RAP1A: variants seen among roughly 807,000 people sequenced by gnomAD.
The protein encoded by RAP1A is ras-related protein Rap-1A.
In RAP1A, 6 loss-of-function variants were observed where a neutral mutation model predicts 26.4. The observed-to-expected ratio is 0.23, with a 90% CI of 0.12 to 0.45. The LOEUF is 0.45. Ranked by LOEUF, RAP1A falls within the 20% of genes least tolerant of loss-of-function variation. The probability of loss-of-function intolerance (pLI) is 0.99; values close to 1 mark genes in which losing one functional copy is unlikely to be tolerated. For missense variants in RAP1A, 121 were observed against 217.2 expected, an observed-to-expected ratio of 0.56 and a Z score of 2.78; for synonymous variants, 73 against 79.4, an observed-to-expected ratio of 0.92 and a Z score of 0.43.
intron 1 of RAP1A, among the ~76,000 whole-genome samples, chr1:111,581,471 C>G (rs1658257316): frequency 6.6e-6 from 1 of 152,152 alleles, no homozygotes; most frequent in Non-Finnish European, 1.5e-5. Context: ...TACAGCACAG[C>G]CCCTCATGAC....
At chr1:111,543,085 T>G (rs936244027) in intron 1 of RAP1A, among the ~76,000 whole-genome samples, 11 of 152,220 alleles carry the variant, frequency 7.2e-5, no homozygotes, top group African/African-American at 2.7e-4. Context: ...CTGGAATATT[T>G]CTGAAGAAAT....
intron 1 of RAP1A, among the ~76,000 whole-genome samples, chr1:111,601,514 C>T (rs1004986478): frequency 7.9e-5 from 12 of 152,202 alleles, no homozygotes; most frequent in Non-Finnish European, 1.5e-5. Context: ...GGATTTGGTG[C>T]TTTCTGTGGC....
At chr1:111,666,205 A>G (rs1328795947) in intron 1 of RAP1A, among the ~76,000 whole-genome samples, 4 of 152,216 alleles carry the variant, frequency 2.6e-5, no homozygotes, top group African/African-American at 9.6e-5. Flanking sequence ...AATTCACAGT[A>G]AACAAAGCTA....
chr1:111,619,726 G>A (rs1488067671), upstream of RAP1A: 3 of 393,512 alleles, frequency 7.6e-6, no homozygotes, highest in Non-Finnish European at 1.3e-5. Context: ...ACTTGGAGGG[G>A]CGGGGCAGAA....
chr1:111,687,752 G>A (rs1661529625), intron 1 of RAP1A, among the ~76,000 whole-genome samples: 1 of 151,998 alleles, frequency 6.6e-6, no homozygotes, highest in African/African-American at 2.4e-5. Flanking sequence ...GCTGGCTCAT[G>A]CCTGTAATCC....
At chr1:111,627,914 A>G (rs1200500139) in intron 1 of RAP1A, among the ~76,000 whole-genome samples, 1 of 151,398 alleles carries the variant, frequency 6.6e-6, no homozygotes, top group Non-Finnish European at 1.5e-5. Flanking sequence ...GGGGGTAGTC[A>G]CATGGTTCTG....
At chr1:111,682,488 C>A (rs1661328295) in intron 1 of RAP1A, among the ~76,000 whole-genome samples, 2 of 142,376 alleles carry the variant, frequency 1.4e-5, no homozygotes, top group South Asian at 2.4e-4. Context: ...GAATATTTAC[C>A]AAGCAAATGG....
intron 1 of RAP1A, among the ~76,000 whole-genome samples, chr1:111,637,313 C>G (rs1182973558): frequency 6.6e-6 from 1 of 152,112 alleles, no homozygotes; most frequent in African/African-American, 2.4e-5. Flanking sequence ...ACCAAGTTCA[C>G]TGTAGAAAAA....
At chr1:111,568,474 G>A (rs1224602801) in intron 1 of RAP1A, among the ~76,000 whole-genome samples, 2 of 152,038 alleles carry the variant, frequency 1.3e-5, no homozygotes, top group African/African-American at 2.4e-5. Context: ...CATTCAGGAG[G>A]GATCCACCCC....
At chr1:111,632,764 C>CA (rs958397997) in intron 1 of RAP1A, among the ~76,000 whole-genome samples, 124 of 151,172 alleles carry the variant, frequency 8.2e-4, no homozygotes, top group African/African-American at 2.2e-4. Context: ...AAAAAAAATA[C>CA]AAAAAAACTA....
Position 111,714,265 on chromosome 1 carries a change from T to C in RAP1A, c.*1864T>C, listed in dbSNP as rs1662470390. 1 of 152,190 alleles carries C rather than the reference T, an allele frequency of 6.6e-6. No individual in the cohort carries two copies. Among genetic ancestry groups the C allele is most frequent in the African/African-American group, 2.4e-5 (1 of 41,444 alleles). 9.4% of individuals were successfully genotyped at this position (152,190 alleles called of 1,614,324 possible). ...ACTATAGCGAACTTGAATGAAGTATTAGGGCCAGTTGTCAGGTCAGGGTGG... is the reference window on the plus strand; with the variant it reads ...ACTATAGCGAACTTGAATGAAGTATCAGGGCCAGTTGTCAGGTCAGGGTGG... On this transcript the variant is annotated 3_prime_UTR_variant, in exon 8 of 8. Coordinates refer to ENST00000369709, the MANE Select transcript of RAP1A (RefSeq NM_002884.4).
chr1:111,607,782 T>A (rs1385032051), intron 1 of RAP1A, among the ~76,000 whole-genome samples: 1 of 116,676 alleles, frequency 8.6e-6, no homozygotes, highest in South Asian at 2.8e-4. Context: ...GAGGCGCCCC[T>A]CACCTCCCGG....
intron 1 of RAP1A, among the ~76,000 whole-genome samples, chr1:111,686,056 T>A (rs1661465572): frequency 7.0e-6 from 1 of 142,480 alleles, no homozygotes; most frequent in South Asian, 2.2e-4. Context: ...TTCTCACTCA[T>A]AAGTGGGAGT....
chr1:111,665,054 G>T (rs1660760072), intron 1 of RAP1A, among the ~76,000 whole-genome samples: 2 of 152,096 alleles, frequency 1.3e-5, no homozygotes, highest in African/African-American at 2.4e-5. Context: ...TATAGTGGGG[G>T]TAATGACATA....
chr1:111,652,916 C>T (rs971364198), intron 1 of RAP1A, among the ~76,000 whole-genome samples: 1 of 152,138 alleles, frequency 6.6e-6, no homozygotes, highest in Non-Finnish European at 1.5e-5. Flanking sequence ...AGCAGTTTTG[C>T]TGCTAGGTAT....
intron 7 of RAP1A, among the ~76,000 whole-genome samples, chr1:111,709,951 T>C (rs1233711288): frequency 6.6e-6 from 1 of 152,236 alleles, no homozygotes; most frequent in African/African-American, 2.4e-5. Context: ...CTGTGCACAT[T>C]CCTATATGTC....
intron 1 of RAP1A, among the ~76,000 whole-genome samples, chr1:111,651,365 T>C (rs1660262066): frequency 6.6e-6 from 1 of 152,126 alleles, no homozygotes; most frequent in Non-Finnish European, 1.5e-5. Context: ...ACAAAATTCT[T>C]TCAAGTTAGC....
intron 1 of RAP1A, among the ~76,000 whole-genome samples, chr1:111,681,418 G>C (rs1385490506): frequency 6.6e-6 from 1 of 152,190 alleles, no homozygotes; most frequent in Non-Finnish European, 1.5e-5. Context: ...TAAAGTGCAT[G>C]TTCTAACCCA....
At position 111,649,595 on chromosome 1, in the gene RAP1A, G is replaced by C. The variant is rs111557964; in HGVS notation, c.-28+29661G>C. ...AGGATAGGACTCAGGCTTTGCCGAC[G>C]ACCAGAATATTAGATATTATCATTG... On this transcript the variant is annotated intron_variant, in intron 1 of 7. Transcript: ENST00000369709. 1,395 of 218,690 alleles carry C rather than the reference G, an allele frequency of 6.4e-3. 18 individuals are homozygous for C. The highest frequency in any genetic ancestry group is 0.031 in the African/African-American group (1,325 of 43,366). 13.5% of individuals were successfully genotyped at this position (218,690 alleles called of 1,614,324 possible).
Sources: gnomAD v4.1 joint callset for allele counts (sites outside exome capture counted in the v4.1 genomes callset) on GRCh38, gnomAD v4.1.1 for gene constraint, MANE v1.5 for transcripts, NCBI Gene and HGNC (gene_info 2026-07-23, HGNC 2026-07-21) for gene names.